Variants in CDC73 observed in about 807,000 individuals in gnomAD.
CDC73 encodes parafibromin.
A neutral mutation model predicts 83.7 loss-of-function variants in CDC73; 21 were observed. The ratio of observed to expected loss-of-function variants is 0.25; its 90% confidence interval spans 0.18 to 0.36. CDC73 has a LOEUF of 0.36. Ranked by LOEUF, CDC73 falls within the 10% of genes least tolerant of loss-of-function variation. The probability of loss-of-function intolerance (pLI) is 1.00; values close to 1 mark genes in which losing one functional copy is unlikely to be tolerated. For missense variants in CDC73, 342 were observed against 653.3 expected (o/e 0.52, Z 5.19); for synonymous variants, 224 against 212.9 (o/e 1.05, Z -0.45).
chr1:193,191,981 CTATT>C (rs1176639499), intron 10 of CDC73, among the ~76,000 whole-genome samples: 3 of 152,156 alleles, frequency 2.0e-5, no homozygotes, highest in East Asian at 3.9e-4. Flanking sequence ...ATTATTAACA[CTATT>C]AATTTATTTA....
intron 10 of CDC73, among the ~76,000 whole-genome samples, chr1:193,161,536 T>A (rs1159628473): frequency 7.3e-6 from 1 of 136,688 alleles, no homozygotes; most frequent in Non-Finnish European, 1.5e-5. Flanking sequence ...TGAAATCAAG[T>A]CAATTTAACT....
chr1:193,165,953 C>T (rs967499921), intron 10 of CDC73, among the ~76,000 whole-genome samples: 39 of 152,178 alleles, frequency 2.6e-4, no homozygotes, highest in Non-Finnish European at 5.0e-4. Context: ...CATGTAAGTT[C>T]TGTTATGCCT....
chr1:193,167,269 T>G (rs1429458140), intron 10 of CDC73, among the ~76,000 whole-genome samples: 3 of 152,204 alleles, frequency 2.0e-5, no homozygotes, highest in African/African-American at 7.2e-5. Context: ...TGTACTTCAT[T>G]AGTGTTTTCT....
intron 15 of CDC73, among the ~76,000 whole-genome samples, chr1:193,241,453 G>A (rs912810416): frequency 2.6e-5 from 4 of 152,234 alleles, no homozygotes; most frequent in Non-Finnish European, 2.9e-5. Flanking sequence ...ACCTGTGCTA[G>A]TAAGTCCAGA....
intron 8 of CDC73, among the ~76,000 whole-genome samples, chr1:193,149,084 T>C (rs1055532568): frequency 6.6e-6 from 1 of 152,170 alleles, no homozygotes; most frequent in Admixed American, 6.5e-5. Flanking sequence ...ATAAATACTT[T>C]TAGTTGACTC....
intron 13 of CDC73, among the ~76,000 whole-genome samples, chr1:193,215,958 G>A (rs1222916903): frequency 6.6e-6 from 1 of 152,140 alleles, no homozygotes; most frequent in Non-Finnish European, 1.5e-5. Context: ...CATAGCTAAA[G>A]CAGTATTAAG....
intron 11 of CDC73, among the ~76,000 whole-genome samples, chr1:193,204,239 G>A (rs1368501076): frequency 4.5e-5 from 6 of 133,706 alleles, no homozygotes; most frequent in Admixed American, 1.5e-4. Flanking sequence ...ATATATACAC[G>A]TATATATATG....
At chr1:193,157,738 G>A (rs568691411) in intron 10 of CDC73, among the ~76,000 whole-genome samples, 1 of 152,292 alleles carries the variant, frequency 6.6e-6, no homozygotes, top group South Asian at 2.1e-4. Context: ...TCTAGAGGCA[G>A]CACCAGTTTG....
chr1:193,189,553 G>GT (rs1311033580), intron 10 of CDC73, among the ~76,000 whole-genome samples: 1 of 152,180 alleles, frequency 6.6e-6, no homozygotes, highest in East Asian at 1.9e-4. Flanking sequence ...TAAATGGCTT[G>GT]TAATTGTCAC....
chr1:193,212,682 C>G (rs1248817501), intron 13 of CDC73, among the ~76,000 whole-genome samples: 1 of 152,146 alleles, frequency 6.6e-6, no homozygotes, highest in Non-Finnish European at 1.5e-5. Flanking sequence ...ACAGAAACTT[C>G]TGGCTAAAGT....
At chr1:193,154,169 G>A (rs573074850) in intron 10 of CDC73, among the ~76,000 whole-genome samples, 1 of 152,322 alleles carries the variant, frequency 6.6e-6, no homozygotes, top group Admixed American at 6.5e-5. Flanking sequence ...CTTGCCCGCT[G>A]ATCATTCCCT....
At chr1:193,195,045 G>C (rs1358830405) in intron 10 of CDC73, among the ~76,000 whole-genome samples, 1 of 152,126 alleles carries the variant, frequency 6.6e-6, no homozygotes, top group Non-Finnish European at 1.5e-5. Flanking sequence ...TTGTTACAAT[G>C]AATTGACTCA....
chr1:193,254,616 AG>A lies in CDC73; in HGVS notation c.*3905del, dbSNP rs1186981264. ...TTGAAAATGTATAATAGATGTATAA[AG>A]ATTTATATTTAGTTAGTATATAATA... On this transcript the variant is annotated 3_prime_UTR_variant, in exon 17 of 17. Transcript: ENST00000367435. Among the ~76,000 whole-genome samples the A allele has an allele frequency of 1.3e-5, 2 of 152,140 alleles. No individual in the cohort carries two copies. Among genetic ancestry groups the A allele is most frequent in the African/African-American group, 4.8e-5 (2 of 41,436 alleles).
intron 6 of CDC73, 84 bp downstream of exon 6, chr1:193,138,257 A>G (rs1675836232): frequency 7.7e-6 from 7 of 906,292 alleles, no homozygotes; most frequent in Admixed American, 3.4e-5. Flanking sequence ...TGCTCTCCAC[A>G]TTTACATTTA....
intron 13 of CDC73, among the ~76,000 whole-genome samples, chr1:193,219,126 A>G (rs550483494): frequency 2.0e-5 from 3 of 152,384 alleles, no homozygotes; most frequent in African/African-American, 7.2e-5. Flanking sequence ...CAACAAACAT[A>G]GGAAAGAAAT....
chr1:193,208,932 T>G (rs766275507), intron 11 of CDC73, among the ~76,000 whole-genome samples: 3 of 152,240 alleles, frequency 2.0e-5, no homozygotes, highest in Non-Finnish European at 4.4e-5. Flanking sequence ...AAATGCCACT[T>G]TCTTTGAGAA....
intron 10 of CDC73, among the ~76,000 whole-genome samples, chr1:193,162,288 G>GAT (rs1483457992): frequency 8.4e-6 from 1 of 119,664 alleles, no homozygotes; most frequent in Non-Finnish European, 1.6e-5. Context: ...TAGTATATAT[G>GAT]ATATATTATA....
chr1:193,129,087 G>A (rs1485110954), intron 2 of CDC73, among the ~76,000 whole-genome samples: 1 of 147,476 alleles, frequency 6.8e-6, no homozygotes, highest in East Asian at 2.0e-4. Flanking sequence ...AACCTCTGCC[G>A]CCCAGGTTCA....
chr1:193,144,465 C>CT (rs1675960432), intron 7 of CDC73, among the ~76,000 whole-genome samples: 1 of 151,834 alleles, frequency 6.6e-6, no homozygotes, highest in South Asian at 2.1e-4. Context: ...TATAATAAGA[C>CT]TAAGATTTTA....
Sources: allele counts gnomAD v4.1 joint callset (sites outside exome capture counted in the v4.1 genomes callset), GRCh38; gene constraint gnomAD v4.1.1; transcripts MANE v1.5; gene names NCBI Gene and HGNC (gene_info 2026-07-23, HGNC 2026-07-21).